PDE3B: variants seen among roughly 807,000 people sequenced by gnomAD.
The protein encoded by PDE3B is cGMP-inhibited 3',5'-cyclic phosphodiesterase 3B.
In PDE3B, 66 loss-of-function variants were observed where a neutral mutation model predicts 116.8. That is an observed-to-expected ratio of 0.56 (90% CI 0.46 to 0.69). The LOEUF is 0.69. Among genes scored for constraint, PDE3B ranks in the 30% least tolerant of loss-of-function variants. PDE3B has a pLI of 0.00. For missense variants in PDE3B, 1,384 were observed against 1,368.1 expected (o/e 1.01, Z -0.18); for synonymous variants, 595 against 533.6 (o/e 1.12, Z -1.59).
chr11:14,854,759 C>T (rs958359009), intron 12 of PDE3B, among the ~76,000 whole-genome samples: 12 of 152,134 alleles, frequency 7.9e-5, no homozygotes, highest in Admixed American at 4.6e-4. Context: ...TCGTGATCTG[C>T]CCACTTCAGC....
At chr11:14,798,177 T>C (rs1267024080) in intron 4 of PDE3B, among the ~76,000 whole-genome samples, 1 of 152,248 alleles carries the variant, frequency 6.6e-6, no homozygotes, top group African/African-American at 2.4e-5. Flanking sequence ...TTTGTGCATC[T>C]ATTGAGATAA....
chr11:14,807,174 T>G (rs955647619), intron 5 of PDE3B, among the ~76,000 whole-genome samples: 2 of 152,240 alleles, frequency 1.3e-5, no homozygotes, highest in Middle Eastern at 3.4e-3. Context: ...AGTTGATGCA[T>G]GCAGCAAACC....
rs180973026 is a variant in PDE3B at position 14,869,963 on chromosome 11, G to A, written c.*303G>A. ...TGTCATAATGCTGCTTTGCTGGGTAGTGAGCTCTTATTTTTCACTGGGGGT... is the reference window on the plus strand; with the variant it reads ...TGTCATAATGCTGCTTTGCTGGGTAATGAGCTCTTATTTTTCACTGGGGGT... On this transcript the variant is annotated 3_prime_UTR_variant, in exon 16 of 16. Coordinates refer to ENST00000282096, the MANE Select transcript of PDE3B (RefSeq NM_000922.4). The A allele has an allele frequency of 4.8e-6, 1 of 207,144 alleles. No homozygotes were observed. The highest frequency in any genetic ancestry group is 5.9e-5 in the Admixed American group (1 of 16,988). The allele number at this position is 207,144 out of a possible 1,614,324, so 12.8% of individuals were successfully genotyped here. A position where few individuals can be genotyped will look rare whatever the true frequency, so the allele number is the denominator to read the frequency against.
chr11:14,885,776 C>G, the PDE3B span: 1 of 1,611,944 alleles, frequency 6.2e-7, no homozygotes, highest in Non-Finnish European at 8.5e-7. Context: ...ATAAACATAC[C>G]TCCCATTTTT....
At chr11:14,773,297 G>C (rs2133899864) in intron 2 of PDE3B, 1 of 152,030 alleles carries the variant, frequency 6.6e-6, no homozygotes, top group African/African-American at 2.4e-5. Context: ...TGTATTCCCA[G>C]AATAAAGTAA....
At chr11:14,817,745 AAAAG>A (rs1465056338) in intron 5 of PDE3B, among the ~76,000 whole-genome samples, 1 of 152,162 alleles carries the variant, frequency 6.6e-6, no homozygotes, top group Non-Finnish European at 1.5e-5. Flanking sequence ...CACAGACAAA[AAAAG>A]AGAATTTAAA....
At chr11:14,880,047 G>T in the PDE3B span, 1 of 1,374,444 alleles carries the variant, frequency 7.3e-7, no homozygotes, top group Non-Finnish European at 1.0e-6. Flanking sequence ...AGTTCCTAAA[G>T]AAAATGTATT....
chr11:14,644,494 A>G lies in PDE3B; in HGVS notation c.419A>G (p.Lys140Arg). ...FFLTCFLTRTKRGPGPGRSCG... is the reference protein window; with the variant it reads ...FFLTCFLTRTRRGPGPGRSCG... ...CTCACCTGCTTCCTCACCCGGACCA[A>G]GCGGGGACCCGGCCCGGGCCGGAGC... is the stretch of plus-strand genomic sequence containing the variant. Residue 140 changes from lysine to arginine, a missense_variant, in exon 1 of 16, where the codon AAG (lysine) becomes AGG (arginine). Lys to Arg is a conservative substitution (Grantham distance 26). Transcript: ENST00000282096. The G allele has an allele frequency of 6.2e-7, 1 of 1,612,106 alleles. No homozygotes were observed. The highest frequency in any genetic ancestry group is 8.5e-7 in the Non-Finnish European group (1 of 1,179,228).
At chr11:14,796,287 T>G (rs1320468163) in intron 4 of PDE3B, among the ~76,000 whole-genome samples, 2 of 152,204 alleles carry the variant, frequency 1.3e-5, no homozygotes, top group East Asian at 1.9e-4. Context: ...GATGGACACT[T>G]CGGTTGGTTC....
intron 12 of PDE3B, among the ~76,000 whole-genome samples, chr11:14,847,573 A>G (rs1475495055): frequency 3.3e-5 from 5 of 152,094 alleles, no homozygotes; most frequent in Non-Finnish European, 5.9e-5. Flanking sequence ...GAAAGGATCA[A>G]CAAAATTGAT....
chr11:14,661,049 G>A (rs1853887994), intron 1 of PDE3B, among the ~76,000 whole-genome samples: 1 of 152,188 alleles, frequency 6.6e-6, no homozygotes, highest in South Asian at 2.1e-4. Flanking sequence ...TGGAGAAATA[G>A]GAACACTTTT....
At chr11:14,650,690 G>A (rs1341481822) in intron 1 of PDE3B, among the ~76,000 whole-genome samples, 1 of 152,118 alleles carries the variant, frequency 6.6e-6, no homozygotes, top group East Asian at 1.9e-4. Context: ...CCCTTGGGAG[G>A]CTGAGGCCGG....
At chr11:14,891,978 T>C in the PDE3B span, 1 of 1,612,920 alleles carries the variant, frequency 6.2e-7, no homozygotes, top group African/African-American at 1.3e-5. Context: ...GTCGGGGCTG[T>C]ACCTCTCCGT....
At position 14,697,710 on chromosome 11, in the gene PDE3B, G is replaced by A. The variant is rs546246537; in HGVS notation, c.978+52657G>A. Among the ~76,000 whole-genome samples the A allele has an allele frequency of 1.2e-3, 185 of 152,218 alleles. 1 individual carries two copies. Among genetic ancestry groups the A allele is most frequent in the Middle Eastern group, 3.4e-3 (1 of 294 alleles). On this transcript the variant is annotated intron_variant, in intron 1 of 15. Transcript: ENST00000282096. ...AGCAATATTGAGTCTTTTGAACCAT[G>A]AGCATGATATATTTCTCCATTTATT... is the stretch of plus-strand genomic sequence containing the variant.
the PDE3B span, chr11:14,890,532 C>T: frequency 1.1e-5 from 2 of 179,026 alleles, no homozygotes; most frequent in South Asian, 2.1e-4. Flanking sequence ...AAACCTAGAC[C>T]AATTCTTTTT....
At chr11:14,763,315 TAAC>T (rs1341790876) in intron 1 of PDE3B, among the ~76,000 whole-genome samples, 2 of 152,084 alleles carry the variant, frequency 1.3e-5, no homozygotes, top group Non-Finnish European at 2.9e-5. Flanking sequence ...CCATTGGTTT[TAAC>T]AACATTAGAG....
the PDE3B span, among the ~76,000 whole-genome samples, chr11:14,889,849 C>T: frequency 2.9e-4 from 44 of 152,188 alleles, no homozygotes; most frequent in African/African-American, 1.0e-3. Context: ...ATAACATAGG[C>T]CGGGCGCAGT....
rs949199132 is a variant in PDE3B, at chr11:14,717,550, C to T, written c.979-54387C>T. Among the ~76,000 whole-genome samples, 11 of 72,734 alleles carry T rather than the reference C, an allele frequency of 1.5e-4. 3 individuals carry two copies. Among genetic ancestry groups the T allele is most frequent in the African/African-American group, 6.5e-4 (11 of 16,980 alleles). 47.7% of individuals were successfully genotyped at this position (72,734 alleles called of 152,430 possible). ...GTCGGGTTACCCTCAAAGGGAAGCC[C>T]ATCAGACTAACAGCGGATCTCTCGG... On this transcript the variant is annotated intron_variant, in intron 1 of 15. Coordinates refer to ENST00000282096, the MANE Select transcript of PDE3B (RefSeq NM_000922.4).
Position 14,786,441 on chromosome 11 carries a change from C to A in PDE3B, c.1034C>A (p.Ser345Tyr), listed in dbSNP as rs1208006316. 8 of 1,608,024 alleles carry A rather than the reference C, an allele frequency of 5.0e-6. No individual in the cohort carries two copies. The highest frequency in any genetic ancestry group is 6.0e-6 in the Non-Finnish European group (7 of 1,176,248). Residue 345 changes from serine to tyrosine, a missense_variant, in exon 3 of 16, where the codon TCT (serine) becomes TAT (tyrosine). Physicochemically the swap from Ser to Tyr is moderately radical, Grantham distance 144. Around this residue, in one of 2 missense-constraint regions of PDE3B, gnomAD observed 956 missense variants for 806.8 expected, o/e 1.18. Transcript: ENST00000282096. The stretch of plus-strand genomic sequence containing the variant: ...TTTCACTTTTTTTCTTTCTAGAATT[C>A]TGGAGGTGGAAATGGAGTTGATCTT... ...KQWYKPHYQNSGGGNGVDLSV... is the reference protein window; with the variant it reads ...KQWYKPHYQNYGGGNGVDLSV...
Sources: allele counts gnomAD v4.1 joint callset (sites outside exome capture counted in the v4.1 genomes callset), GRCh38; gene constraint gnomAD v4.1.1; regional missense constraint gnomAD v4.1.1; transcripts MANE v1.5; gene names NCBI Gene and HGNC (gene_info 2026-07-23, HGNC 2026-07-21).